The following TPTE variants were observed in gnomAD, a reference collection of about 807,000 sequenced individuals.
The protein encoded by TPTE is putative tyrosine-protein phosphatase TPTE.
Under a neutral mutation model 84.1 loss-of-function variants are expected in TPTE, and 59 were observed. The observed-to-expected ratio is 0.70, with a 90% CI of 0.57 to 0.87. TPTE has a LOEUF of 0.87. Among genes scored for constraint, TPTE ranks in the 40% least tolerant of loss-of-function variants. The pLI, the probability that TPTE is intolerant of heterozygous loss-of-function variation, is 0.00. For missense variants in TPTE, 382 were observed against 659.6 expected (o/e 0.58, Z 4.61); for synonymous variants, 130 against 223.5 (o/e 0.58, Z 3.73).
chr21:10,597,395 C>CCTGAATT (rs1351389165), intron 20 of TPTE, among the ~76,000 whole-genome samples: 4 of 152,252 alleles, frequency 2.6e-5, no homozygotes, highest in Non-Finnish European at 5.9e-5. Context: ...AGTCACCTTT[C>CCTGAATT]CTGAATTTTC....
chr21:10,541,385 T>A (rs1464817656), intron 5 of TPTE, among the ~76,000 whole-genome samples: 1 of 152,288 alleles, frequency 6.6e-6, no homozygotes, highest in South Asian at 2.1e-4. Context: ...GGCAGGAGAA[T>A]CGATTGAACC....
At position 10,541,132 on chromosome 21, in the gene TPTE, C is replaced by T. The variant is rs139096194; in HGVS notation, c.32C>T (p.Ala11Val). 536 of 1,612,600 alleles carry T rather than the reference C, an allele frequency of 3.3e-4. No individual in the cohort carries two copies. The highest frequency in any genetic ancestry group is 4.3e-4 in the Non-Finnish European group (505 of 1,178,672). MNESPDPTDL[A>V]GVIIELGPND... is the part of the protein sequence containing the mutation. Reference sequence around the variant, plus strand: ...TTTAGTCCTGATCCGACTGACCTGGCGGGAGTCATCATTGAGCTCGGCCCC... The same window carrying T: ...TTTAGTCCTGATCCGACTGACCTGGTGGGAGTCATCATTGAGCTCGGCCCC... Residue 11 changes from alanine to valine, a missense_variant, in exon 5 of 24, where the codon GCG (alanine) becomes GTG (valine). Around this residue, in one of 10 missense-constraint regions of TPTE, gnomAD observed 63 missense variants for 49.5 expected, o/e 1.27. Transcript: ENST00000618007.
chr21:10,522,774 T>C (rs1468669939), intron 1 of TPTE, among the ~76,000 whole-genome samples: 1 of 152,312 alleles, frequency 6.6e-6, no homozygotes, highest in African/African-American at 2.4e-5. Flanking sequence ...ATTTATGAGG[T>C]ACAATGTGAT....
At chr21:10,566,502 T>C (rs2074924328) in intron 10 of TPTE, among the ~76,000 whole-genome samples, 1 of 152,308 alleles carries the variant, frequency 6.6e-6, no homozygotes, top group African/African-American at 2.4e-5. Flanking sequence ...ATCCCACTGC[T>C]GGGTAGATAC....
At chr21:10,557,735 A>T (rs1276043614) in intron 8 of TPTE, among the ~76,000 whole-genome samples, 1 of 150,290 alleles carries the variant, frequency 6.7e-6, no homozygotes, top group South Asian at 2.1e-4. Context: ...TCAAAGGCCA[A>T]TTTTTTTTTT....
chr21:10,526,088 A>G (rs1003574906), intron 2 of TPTE, among the ~76,000 whole-genome samples: 7 of 152,308 alleles, frequency 4.6e-5, no homozygotes, highest in Non-Finnish European at 1.0e-4. Flanking sequence ...TATTCTGCAT[A>G]GACAATCCAA....
At chr21:10,555,507 C>CT (rs2074664581) in intron 8 of TPTE, among the ~76,000 whole-genome samples, 2 of 152,276 alleles carry the variant, frequency 1.3e-5, no homozygotes, top group South Asian at 4.1e-4. Flanking sequence ...CGCCTGGCCG[C>CT]TATCTCTTTA....
intron 7 of TPTE, among the ~76,000 whole-genome samples, chr21:10,548,595 A>G (rs369829051): frequency 0.012 from 1,876 of 151,620 alleles, no homozygotes; most frequent in South Asian, 0.064. Flanking sequence ...CAGCAGACAC[A>G]TATCCAGGAC....
chr21:10,541,926 C>T (rs577838908), intron 5 of TPTE, among the ~76,000 whole-genome samples: 123 of 152,360 alleles, frequency 8.1e-4, no homozygotes, highest in African/African-American at 2.9e-3. Flanking sequence ...TGCTCCAAAC[C>T]TAAAATCACC....
intron 9 of TPTE, among the ~76,000 whole-genome samples, 169 bp from the exon 10 acceptor site, chr21:10,560,861 A>AT (rs1178612309): frequency 1.3e-5 from 2 of 152,298 alleles, no homozygotes; most frequent in African/African-American, 4.8e-5. Flanking sequence ...GAAAACAGTG[A>AT]TTTTTCTGAG....
chr21:10,536,547 T>C (rs2074268945), intron 3 of TPTE, among the ~76,000 whole-genome samples: 1 of 152,286 alleles, frequency 6.6e-6, no homozygotes, highest in Non-Finnish European at 1.5e-5. Flanking sequence ...CATACTTCTG[T>C]CTATCTAGAC....
At chr21:10,545,137 C>T (rs1350174255) in intron 7 of TPTE, among the ~76,000 whole-genome samples, 1 of 152,300 alleles carries the variant, frequency 6.6e-6, no homozygotes, top group African/African-American at 2.4e-5. Context: ...TTAGCTATTA[C>T]CTCATTGAAT....
chr21:10,564,407 G>A (rs1455727125), intron 10 of TPTE, among the ~76,000 whole-genome samples: 3 of 152,426 alleles, frequency 2.0e-5, no homozygotes, highest in African/African-American at 7.2e-5. Context: ...CTACTCATGA[G>A]GCCGAGGCCG....
chr21:10,548,282 C>A (rs1318270212), intron 7 of TPTE, among the ~76,000 whole-genome samples: 2 of 152,310 alleles, frequency 1.3e-5, no homozygotes, highest in Non-Finnish European at 2.9e-5. Context: ...CACACAGAAA[C>A]ACTCCCAGGC....
At chr21:10,559,788 C>T (rs146909729) in intron 9 of TPTE, among the ~76,000 whole-genome samples, 2,740 of 150,542 alleles carry the variant, frequency 0.018, no homozygotes, top group African/African-American at 0.054. Context: ...GCAGAAGAAT[C>T]GCTTGAACCG....
chr21:10,536,959 G>GGC (rs1328812566), intron 3 of TPTE, among the ~76,000 whole-genome samples: 23 of 152,416 alleles, frequency 1.5e-4, no homozygotes, highest in African/African-American at 4.1e-4. Context: ...TAATGGCCCT[G>GGC]GCAGGGTTCC....
At chr21:10,602,907 G>A in intron 22 of TPTE, 1 of 517,830 alleles carries the variant, frequency 1.9e-6, no homozygotes, top group African/African-American at 1.9e-5. Context: ...CTGCGGGGAG[G>A]TCTAATTTGG....
At chr21:10,590,578 G>A in intron 18 of TPTE, 55 bp downstream of exon 18, 2 of 1,610,402 alleles carry the variant, frequency 1.2e-6, no homozygotes, top group Non-Finnish European at 1.7e-6. Flanking sequence ...TGCTAGTTCT[G>A]AAACATCACT....
chr21:10,539,051 A>G (rs1319473935), intron 4 of TPTE, among the ~76,000 whole-genome samples: 1 of 152,312 alleles, frequency 6.6e-6, no homozygotes, highest in Non-Finnish European at 1.5e-5. Flanking sequence ...GGAGTGATAT[A>G]AAAAGGAGCA....
Sources: gnomAD v4.1 joint callset for allele counts (sites outside exome capture counted in the v4.1 genomes callset) on GRCh38, gnomAD v4.1.1 for gene constraint, gnomAD v4.1.1 regional missense constraint, MANE v1.5 for transcripts, NCBI Gene and HGNC (gene_info 2026-07-23, HGNC 2026-07-21) for gene names.